ANKRD30B: variants seen among roughly 807,000 people sequenced by gnomAD.
ANKRD30B encodes the protein ankyrin repeat domain-containing protein 30B.
A neutral mutation model predicts 202.2 loss-of-function variants in ANKRD30B; 144 were observed. The ratio of observed to expected loss-of-function variants is 0.71; its 90% CI spans 0.62 to 0.82. The LOEUF (loss-of-function observed/expected upper bound fraction) is 0.82, where lower values mean the gene tolerates loss of function less well. Ranked by LOEUF, ANKRD30B falls within the 40% of genes least tolerant of loss-of-function variation. The pLI, the probability that ANKRD30B is intolerant of heterozygous loss-of-function variation, is 0.00. For synonymous variants in ANKRD30B, 508 were observed against 561.3 expected (o/e 0.91, Z 1.34); for missense variants, 1,487 against 1,669.1 (o/e 0.89, Z 1.90).
chr18:14,798,023 C>T (rs2143980706), intron 20 of ANKRD30B, among the ~76,000 whole-genome samples, 169 bp downstream of exon 20: 1 of 152,132 alleles, frequency 6.6e-6, no homozygotes, highest in African/African-American at 2.4e-5. Flanking sequence ...CATTTAGAAG[C>T]ATAAGATTTA....
chr18:14,929,347 C>G, the ANKRD30B span, among the ~76,000 whole-genome samples: 1 of 152,186 alleles, frequency 6.6e-6, no homozygotes, highest in Non-Finnish European at 1.5e-5. Flanking sequence ...CACGTCACCA[C>G]AGAGTAATGT....
chr18:14,865,347 C>T, the ANKRD30B span, among the ~76,000 whole-genome samples: 1 of 151,406 alleles, frequency 6.6e-6, no homozygotes, highest in East Asian at 2.0e-4. Flanking sequence ...TTCCCCCTCC[C>T]TCTCTGCACC....
chr18:14,760,127 T>C (rs1915025945), intron 5 of ANKRD30B, among the ~76,000 whole-genome samples: 1 of 152,240 alleles, frequency 6.6e-6, no homozygotes, highest in South Asian at 2.1e-4. Flanking sequence ...ACTATTTCTT[T>C]GAGCATTTTA....
chr18:14,834,260 T>C (rs550696858), intron 34 of ANKRD30B, among the ~76,000 whole-genome samples: 7 of 152,248 alleles, frequency 4.6e-5, no homozygotes, highest in Admixed American at 2.6e-4. Context: ...TAATTATTTC[T>C]ACAGTACTAT....
At chr18:14,806,800 C>T (rs1969551307) in intron 24 of ANKRD30B, among the ~76,000 whole-genome samples, 3 of 149,726 alleles carry the variant, frequency 2.0e-5, no homozygotes, top group Non-Finnish European at 4.4e-5. Context: ...TCTCATGACA[C>T]TCTGCTTTCT....
rs778124376 is a variant in ANKRD30B at position 14,784,538 on chromosome 18, A to T, written c.1672+3A>T. 1 of 1,611,862 alleles carries T rather than the reference A, an allele frequency of 6.2e-7. No homozygotes were observed. Among genetic ancestry groups the T allele is most frequent in the Non-Finnish European group, 8.5e-7 (1 of 1,178,380 alleles). On this transcript the variant is annotated splice_donor_region_variant and intron_variant, in intron 14 of 43. Coordinates refer to ENST00000690538, the MANE Select transcript of ANKRD30B (RefSeq NM_001367607.2). ...GAATGAACAAACATTGAGAGCAGGT[A>T]AATTTTTCAATTTAACTATGCAAAG...
At chr18:14,873,524 C>CAAAA in the ANKRD30B span, among the ~76,000 whole-genome samples, 7 of 90,650 alleles carry the variant, frequency 7.7e-5, no homozygotes, top group Non-Finnish European at 1.5e-4. Context: ...GACTCCGTTT[C>CAAAA]AAAAAAAAAA....
At chr18:14,797,442 C>A (rs1223065734) in intron 18 of ANKRD30B, among the ~76,000 whole-genome samples, 4 of 152,158 alleles carry the variant, frequency 2.6e-5, no homozygotes, top group Admixed American at 1.3e-4. Flanking sequence ...TTTACAATAA[C>A]CAGGAGCATT....
Position 14,748,206 on chromosome 18 carries a change from G to C in ANKRD30B, c.-214G>C. 2.1e-6 allele frequency: 1 copy of C among 466,150 alleles called. No homozygotes were observed. Among genetic ancestry groups the C allele is most frequent in the East Asian group, 3.3e-5 (1 of 30,332 alleles). 28.9% of individuals were successfully genotyped at this position (466,150 alleles called of 1,614,324 possible). ...TAACGTTAGAGCAGCTAACGGCTCT[G>C]CTCAGAATTTCTCCCGACAGAGGCC... On this transcript the variant is annotated 5_prime_UTR_variant, in exon 1 of 44. Coordinates refer to ENST00000690538, the MANE Select transcript of ANKRD30B (RefSeq NM_001367607.2).
rs144059624 is a variant in ANKRD30B, at chr18:14,784,224, A to C, written c.1571-112A>C. 379 of 1,087,972 alleles carry C rather than the reference A, an allele frequency of 3.5e-4. 3 individuals carry two copies. The African/African-American group carries it at 5.1e-3, about 15-fold the overall frequency. 67.4% of individuals were successfully genotyped at this position (1,087,972 alleles called of 1,614,324 possible). A position where few individuals can be genotyped will look rare whatever the true frequency, so the allele number is the denominator to read the frequency against. ...AAAGAAAACTTCCCAAATCTAAACT[A>C]TTCATTCTCAAAGTCAACCAAGAGG... On this transcript the variant is annotated intron_variant, in intron 12 of 43. Coordinates refer to ENST00000690538, the MANE Select transcript of ANKRD30B (RefSeq NM_001367607.2).
At chr18:14,933,581 C>T in the ANKRD30B span, among the ~76,000 whole-genome samples, 3 of 152,120 alleles carry the variant, frequency 2.0e-5, no homozygotes, top group Admixed American at 2.0e-4. Flanking sequence ...GGATTCTTCC[C>T]TAGAGATGCA....
At chr18:14,763,153 C>A (rs916060291) in intron 6 of ANKRD30B, among the ~76,000 whole-genome samples, 1 of 151,954 alleles carries the variant, frequency 6.6e-6, no homozygotes, top group African/African-American at 2.4e-5. Context: ...TGTGCCAGAA[C>A]CCCTTTTGGA....
chr18:14,891,831 G>A, the ANKRD30B span, among the ~76,000 whole-genome samples: 1 of 152,280 alleles, frequency 6.6e-6, no homozygotes, highest in African/African-American at 2.4e-5. Context: ...TTGCATTAAA[G>A]GAAGCACAAA....
At chr18:14,905,071 C>A in the ANKRD30B span, among the ~76,000 whole-genome samples, 1 of 152,324 alleles carries the variant, frequency 6.6e-6, no homozygotes. Flanking sequence ...CACTGCTACA[C>A]TCCCACTAGC....
the ANKRD30B span, among the ~76,000 whole-genome samples, chr18:14,918,708 G>A: frequency 1.3e-5 from 2 of 152,206 alleles, no homozygotes; most frequent in African/African-American, 4.8e-5. Context: ...TCAATGCAGT[G>A]AAGACTATGG....
In ANKRD30B at chr18:14,840,119, G is replaced by C. The variant is rs1598707628; in HGVS notation, c.2989-469G>C. 5.3e-5 allele frequency among the ~76,000 whole-genome samples: 8 copies of C among 152,146 alleles called. No individual in the cohort carries two copies. The South Asian group carries it at 1.7e-3, about 32-fold the overall frequency. On this transcript the variant is annotated intron_variant, in intron 36 of 43. Coordinates refer to ENST00000690538, the MANE Select transcript of ANKRD30B (RefSeq NM_001367607.2). ...CAGAGCATATTTGAGGTTTTCTCTT[G>C]AAATGTTTTGGTTTTCAATATGTGA...
chr18:14,847,052 A>T (rs1344577152), intron 39 of ANKRD30B, among the ~76,000 whole-genome samples: 567 of 12,084 alleles, frequency 0.047, 2 homozygotes, highest in African/African-American at 0.17. Context: ...ATTTAGTTTT[A>T]TATATATATA....
chr18:14,933,618 G>A, the ANKRD30B span, among the ~76,000 whole-genome samples: 2 of 152,160 alleles, frequency 1.3e-5, no homozygotes, highest in African/African-American at 4.8e-5. Flanking sequence ...CCTCTCCTGG[G>A]CTCCAGGTGC....
intron 6 of ANKRD30B, among the ~76,000 whole-genome samples, chr18:14,762,690 A>G (rs1289301990): frequency 6.6e-6 from 1 of 151,982 alleles, no homozygotes; most frequent in Admixed American, 6.6e-5. Context: ...TTAACTCTAA[A>G]CACAAAAAAT....
Sources: gnomAD v4.1 joint callset for allele counts (sites outside exome capture counted in the v4.1 genomes callset) on GRCh38, gnomAD v4.1.1 for gene constraint, MANE v1.5 for transcripts, NCBI Gene and HGNC (gene_info 2026-07-23, HGNC 2026-07-21) for gene names.